COL19A1: variants seen among roughly 807,000 people sequenced by gnomAD.
COL19A1 encodes the protein collagen type XIX alpha 1 chain, also known as collagen alpha-1(XIX) chain.
COL19A1 carries 159 observed loss-of-function variants against 190.2 expected under a neutral mutation model. That is an observed-to-expected ratio of 0.84 (90% CI 0.73 to 0.95). The LOEUF is 0.95. Ranked by LOEUF, COL19A1 falls within the 40% of genes least tolerant of loss-of-function variation. The pLI, the probability that COL19A1 is intolerant of heterozygous loss-of-function variation, is 0.00. For synonymous variants in COL19A1, 509 were observed against 458.9 expected (o/e 1.11, Z -1.39); for missense variants, 1,418 against 1,431.9 (o/e 0.99, Z 0.16).
rs780169728 is a variant in COL19A1 at position 70,190,315 on chromosome 6, G to A, written c.3028G>A (p.Ala1010Thr). The change falls in exon 48 of 51, where the codon GCT becomes ACT. Residue 1010 changes from alanine (A) to threonine (T), a missense_variant and splice_region_variant. Physicochemically the swap from Ala to Thr is moderately conservative, Grantham distance 58. Transcript: ENST00000620364. ...PGSPGIPGIP[A>T]DAVSFEEIKK... ...ACAACCTTTTTTTTTCCTTCTTCAGGCTGATGCAGTTTCATTTGAAGAAAT... is the reference window on the plus strand; with the variant it reads ...ACAACCTTTTTTTTTCCTTCTTCAGACTGATGCAGTTTCATTTGAAGAAAT... The A allele has an allele frequency of 1.1e-5, 18 of 1,598,714 alleles. No homozygotes were observed. Among genetic ancestry groups the A allele is most frequent in the East Asian group, 2.2e-5 (1 of 44,686 alleles).
At chr6:70,134,417 T>G (rs913441635) in intron 18 of COL19A1, among the ~76,000 whole-genome samples, 1 of 152,242 alleles carries the variant, frequency 6.6e-6, no homozygotes, top group African/African-American at 2.4e-5. Context: ...GGAAAAAGCC[T>G]GTATACAGCA....
chr6:70,054,665 G>C (rs1318648082), intron 14 of COL19A1, among the ~76,000 whole-genome samples: 1 of 152,042 alleles, frequency 6.6e-6, no homozygotes, highest in Non-Finnish European at 1.5e-5. Context: ...GAATCAAACA[G>C]TACTGTTAAA....
At chr6:70,085,673 C>T (rs145546995) in intron 15 of COL19A1, among the ~76,000 whole-genome samples, 1 of 152,200 alleles carries the variant, frequency 6.6e-6, no homozygotes, top group East Asian at 1.9e-4. Flanking sequence ...TTTTTCCTTC[C>T]ATTCCTTGAT....
intron 1 of COL19A1, among the ~76,000 whole-genome samples, chr6:69,870,055 A>G (rs1436727741): frequency 6.6e-6 from 1 of 152,064 alleles, no homozygotes; most frequent in Non-Finnish European, 1.5e-5. Context: ...AGTAATTTTT[A>G]CTCTATTTCT....
chr6:69,959,502 A>T (rs1450078213), intron 9 of COL19A1, among the ~76,000 whole-genome samples: 1 of 152,114 alleles, frequency 6.6e-6, no homozygotes. Context: ...TGCAGAGTTG[A>T]AGTGTTTGGG....
intron 11 of COL19A1, among the ~76,000 whole-genome samples, chr6:69,972,404 CTG>C (rs1383150076): frequency 6.6e-6 from 1 of 152,314 alleles, no homozygotes; most frequent in East Asian, 1.9e-4. Context: ...CCATGTCTGT[CTG>C]TGTACGTTTT....
intron 36 of COL19A1, among the ~76,000 whole-genome samples, chr6:70,165,088 C>A (rs2150264198): frequency 6.6e-6 from 1 of 152,208 alleles, no homozygotes; most frequent in Non-Finnish European, 1.5e-5. Context: ...CCATGTCTTG[C>A]CATTTCCCCT....
At chr6:70,016,970 A>G (rs1328338007) in intron 11 of COL19A1, among the ~76,000 whole-genome samples, 2 of 152,122 alleles carry the variant, frequency 1.3e-5, no homozygotes, top group Non-Finnish European at 2.9e-5. Flanking sequence ...TTAAACACAT[A>G]CTTACCTATT....
intron 19 of COL19A1, among the ~76,000 whole-genome samples, chr6:70,140,509 A>G (rs1444926301): frequency 1.3e-5 from 2 of 152,126 alleles, no homozygotes; most frequent in East Asian, 3.8e-4. Flanking sequence ...TATTTTTAAA[A>G]TAATGAGTTT....
chr6:70,205,391 C>T (rs1430996392), intron 49 of COL19A1, among the ~76,000 whole-genome samples: 1 of 152,156 alleles, frequency 6.6e-6, no homozygotes, highest in Non-Finnish European at 1.5e-5. Context: ...ATCATACATA[C>T]TGTTCATAGG....
At chr6:70,043,686 A>G (rs769826169) in intron 14 of COL19A1, among the ~76,000 whole-genome samples, 1 of 152,156 alleles carries the variant, frequency 6.6e-6, no homozygotes, top group Non-Finnish European at 1.5e-5. Context: ...TTTTCTAAGC[A>G]GTGGTATCAA....
chr6:70,028,282 G>C (rs760459002), intron 12 of COL19A1, among the ~76,000 whole-genome samples: 24 of 152,124 alleles, frequency 1.6e-4, no homozygotes, highest in Non-Finnish European at 2.8e-4. Flanking sequence ...GCAATTTTGA[G>C]AGGTAGTAAA....
intron 11 of COL19A1, among the ~76,000 whole-genome samples, chr6:70,002,530 T>A (rs561688342): frequency 3.9e-4 from 60 of 152,034 alleles, no homozygotes; most frequent in Non-Finnish European, 7.7e-4. Context: ...TGCCTCAGTT[T>A]CAGAACTTGT....
chr6:69,885,164 C>T (rs1768832077), intron 2 of COL19A1, among the ~76,000 whole-genome samples: 1 of 152,002 alleles, frequency 6.6e-6, no homozygotes, highest in African/African-American at 2.4e-5. Flanking sequence ...GCGCTGGGCC[C>T]CTTTGGCTCT....
At chr6:69,965,124 T>G (rs2150048987) in intron 11 of COL19A1, among the ~76,000 whole-genome samples, 1 of 152,312 alleles carries the variant, frequency 6.6e-6, no homozygotes, top group East Asian at 1.9e-4. Flanking sequence ...ACCTTGGACT[T>G]TAATTTTTTG....
chr6:70,033,938 G>A (rs1003409471), intron 12 of COL19A1, among the ~76,000 whole-genome samples: 1 of 152,060 alleles, frequency 6.6e-6, no homozygotes, highest in African/African-American at 2.4e-5. Flanking sequence ...AATCCAAAGT[G>A]GATACTTAAA....
chr6:70,207,349 A>C lies in COL19A1; in HGVS notation c.*75A>C. ...GCTCTCTTAATACCGTCAAACCCTC[A>C]TCATCTGTGGGTTGCTTTTTTTTTT... On this transcript the variant is annotated 3_prime_UTR_variant, in exon 51 of 51. Transcript: ENST00000620364. 5.1e-5 allele frequency: 53 copies of C among 1,045,884 alleles called. No individual in the cohort carries two copies. Among genetic ancestry groups the C allele is most frequent in the Middle Eastern group, 3.1e-4 (1 of 3,228 alleles). 64.8% of individuals were successfully genotyped at this position (1,045,884 alleles called of 1,614,324 possible). A position where few individuals can be genotyped will look rare whatever the true frequency, so the allele number is the denominator to read the frequency against.
At chr6:70,067,754 T>G (rs1781330997) in intron 14 of COL19A1, among the ~76,000 whole-genome samples, 1 of 151,870 alleles carries the variant, frequency 6.6e-6, no homozygotes, top group African/African-American at 2.4e-5. Flanking sequence ...ACTGCTGAAG[T>G]TTTTTTTGAA....
At chr6:70,165,131 T>C (rs762763111) in intron 36 of COL19A1, among the ~76,000 whole-genome samples, 1 of 152,190 alleles carries the variant, frequency 6.6e-6, no homozygotes, top group Non-Finnish European at 1.5e-5. Flanking sequence ...TTTATGAGGC[T>C]ATTATTCTGA....
Sources: allele counts gnomAD v4.1 joint callset (sites outside exome capture counted in the v4.1 genomes callset), GRCh38; gene constraint gnomAD v4.1.1; transcripts MANE v1.5; gene names NCBI Gene and HGNC (gene_info 2026-07-23, HGNC 2026-07-21).